Variants in ATP6V1C2 observed in about 807,000 individuals in gnomAD.
The protein encoded by ATP6V1C2 is ATPase H+ transporting V1 subunit C2, also known as V-type proton ATPase subunit C 2.
A neutral mutation model predicts 56.8 loss-of-function variants in ATP6V1C2; 45 were observed. That is an observed-to-expected ratio of 0.79 (90% CI 0.62 to 1.02). The LOEUF is 1.02. ATP6V1C2 is among the 50% of genes least tolerant of loss of function. The pLI, the probability that ATP6V1C2 is intolerant of heterozygous loss-of-function variation, is 0.00. For missense variants in ATP6V1C2, 463 were observed against 519.7 expected, an observed-to-expected ratio of 0.89 and a Z score of 1.06; for synonymous variants, 220 against 201.3, an observed-to-expected ratio of 1.09 and a Z score of -0.79.
chr2:10,760,515 G>A (rs1454373033), intron 4 of ATP6V1C2, among the ~76,000 whole-genome samples: 1 of 152,230 alleles, frequency 6.6e-6, no homozygotes, highest in East Asian at 1.9e-4. Context: ...TGGTGTTCAG[G>A]ACATGTGAGA....
intron 3 of ATP6V1C2, among the ~76,000 whole-genome samples, chr2:10,733,812 A>AGTGCTTCCCCTGTCGTTGCTTGCCCCTG (rs1662100953): frequency 1.4e-5 from 2 of 146,990 alleles, no homozygotes; most frequent in African/African-American, 5.1e-5. Context: ...GCTTGCCCCT[A>AGTGCTTCCCCTGTCGTTGCTTGCCCCTG]AGTGCTTCCC....
intron 8 of ATP6V1C2, among the ~76,000 whole-genome samples, chr2:10,774,585 C>T (rs1422863338): frequency 1.3e-5 from 2 of 152,210 alleles, no homozygotes; most frequent in Non-Finnish European, 2.9e-5. Context: ...CCCCTGAGGC[C>T]TTAGCCTGGA....
rs996681852 is a variant in ATP6V1C2, at chr2:10,768,634, C to A, written c.379-85C>A. 13 of 1,067,688 alleles carry A rather than the reference C, an allele frequency of 1.2e-5. No individual in the cohort carries two copies. The Admixed American group carries it at 1.8e-4, about 15-fold the overall frequency. The allele number at this position is 1,067,688 out of a possible 1,614,324, so 66.1% of individuals were successfully genotyped here. On this transcript the variant is annotated intron_variant, in intron 5 of 13. Transcript: ENST00000272238. ...GGGCAGTTATTTTTCTTGAAAGCAC[C>A]ATGAGCTGTTGTGGCCATTTCAAAA... is the stretch of plus-strand genomic sequence containing the variant.
intron 13 of ATP6V1C2, among the ~76,000 whole-genome samples, chr2:10,782,660 G>T (rs1665442489): frequency 6.6e-6 from 1 of 151,850 alleles, no homozygotes; most frequent in Non-Finnish European, 1.5e-5. Context: ...GTGAAACCCT[G>T]TCTCTACTAA....
chr2:10,730,889 GT>G (rs1661913350), intron 3 of ATP6V1C2, among the ~76,000 whole-genome samples: 1 of 152,026 alleles, frequency 6.6e-6, no homozygotes, highest in African/African-American at 2.4e-5. Flanking sequence ...CCGATCTCAG[GT>G]GATCCACCCA....
At chr2:10,722,114 A>ATC (rs1661401770) in intron 1 of ATP6V1C2, among the ~76,000 whole-genome samples, 1 of 152,078 alleles carries the variant, frequency 6.6e-6, no homozygotes, top group African/African-American at 2.4e-5. Flanking sequence ...GAAAGGGGGA[A>ATC]CCTGGCCGAG....
chr2:10,768,192 C>T (rs1196470594), intron 5 of ATP6V1C2: 1 of 154,980 alleles, frequency 6.5e-6, no homozygotes, highest in East Asian at 1.9e-4. Context: ...CTGGCATTAT[C>T]CCCGCTGTGG....
intron 3 of ATP6V1C2, among the ~76,000 whole-genome samples, chr2:10,752,434 G>A (rs1300444904): frequency 1.3e-5 from 2 of 152,146 alleles, no homozygotes; most frequent in African/African-American, 2.4e-5. Flanking sequence ...ACTTGAGTCC[G>A]CTCCTCCTGC....
At chr2:10,738,261 G>T (rs767791229) in intron 3 of ATP6V1C2, among the ~76,000 whole-genome samples, 48 of 152,310 alleles carry the variant, frequency 3.2e-4, no homozygotes, top group African/African-American at 1.1e-3. Flanking sequence ...ACAGGTGGCA[G>T]TAGCTCTCCT....
At chr2:10,721,421 C>T (rs751267877), upstream of ATP6V1C2, among the ~76,000 whole-genome samples, 8 of 152,106 alleles carry the variant, frequency 5.3e-5, no homozygotes, top group South Asian at 2.1e-4. Flanking sequence ...GCCGCAGAAG[C>T]CCCCAGGGCC....
Position 10,784,890 on chromosome 2 carries a change from A to T in ATP6V1C2, c.*1627A>T. 1 of 1,367,804 alleles carries T rather than the reference A, an allele frequency of 7.3e-7. No individual in the cohort carries two copies. Among genetic ancestry groups the T allele is most frequent in the Non-Finnish European group, 1.0e-6 (1 of 977,846 alleles). The allele number at this position is 1,367,804 out of a possible 1,614,324, so 84.7% of individuals were successfully genotyped here. Reference sequence around the variant, plus strand: ...CAGAGATGCACAGGCTCAAGAGAGTAAACCAGGACTGCTGCCCGCACAGCT... The same window carrying T: ...CAGAGATGCACAGGCTCAAGAGAGTTAACCAGGACTGCTGCCCGCACAGCT... On this transcript the variant is annotated 3_prime_UTR_variant, in exon 14 of 14. Transcript: ENST00000272238.
chr2:10,739,254 G>C lies in ATP6V1C2; in HGVS notation c.197+12685G>C, dbSNP rs555522528. 3.9e-5 allele frequency among the ~76,000 whole-genome samples: 6 copies of C among 152,230 alleles called. No homozygotes were observed. In the South Asian group the frequency reaches 1.2e-3, roughly 32 times the overall value. On this transcript the variant is annotated intron_variant, in intron 3 of 13. Coordinates refer to ENST00000272238, the MANE Select transcript of ATP6V1C2 (RefSeq NM_001039362.2). ...GCCGAGATCTCGCCATGGCACTCCA[G>C]CCTGGGCAATAAGAGCAAAACTCCG...
chr2:10,725,710 G>T (rs1192157195), intron 2 of ATP6V1C2, among the ~76,000 whole-genome samples: 1 of 150,982 alleles, frequency 6.6e-6, no homozygotes, highest in African/African-American at 2.4e-5. Context: ...GGCCAGGCTG[G>T]TCTCAAACTC....
intron 2 of ATP6V1C2, among the ~76,000 whole-genome samples, chr2:10,725,599 A>C (rs1345960427): frequency 7.0e-6 from 1 of 143,026 alleles, no homozygotes; most frequent in Non-Finnish European, 1.5e-5. Flanking sequence ...GGTTCAAATG[A>C]TTTTCCTGCC....
At chr2:10,722,139 G>C (rs942890143) in intron 1 of ATP6V1C2, among the ~76,000 whole-genome samples, 1 of 152,142 alleles carries the variant, frequency 6.6e-6, no homozygotes, top group Non-Finnish European at 1.5e-5. Context: ...AAAGGTGCGG[G>C]TGTGGACACC....
Position 10,783,437 on chromosome 2 carries a change from C to T in ATP6V1C2, c.*174C>T, listed in dbSNP as rs559009388. ...TTTTTAAGTTACAATAAAATGCTCT[C>T]AAGTCCTTTGAATGTTCCAACAAAT... On this transcript the variant is annotated 3_prime_UTR_variant, in exon 14 of 14. Transcript: ENST00000272238. The T allele has an allele frequency of 1.2e-5, 6 of 500,792 alleles. No individual in the cohort carries two copies. The highest frequency in any genetic ancestry group is 2.1e-5 in the Non-Finnish European group (6 of 282,810). 31.0% of individuals were successfully genotyped at this position (500,792 alleles called of 1,614,324 possible). A position where few individuals can be genotyped will look rare whatever the true frequency, so the allele number is the denominator to read the frequency against.
In ATP6V1C2 at chr2:10,764,341, A is replaced by C; in HGVS notation, c.294A>C (p.Thr98=). ...TTTGTATTCTTCCAGTTGACTTAACATCCTTTGTGACCCACTTTGAATGGG... is the reference window on the plus strand; with the variant it reads ...TTTGTATTCTTCCAGTTGACTTAACCTCCTTTGTGACCCACTTTGAATGGG... ...EHLLANGVDL[T]SFVTHFEWDM... is the part of the protein sequence containing the mutation. The change falls in exon 5 of 14, where the codon ACA becomes ACC. Residue 98 remains threonine, a synonymous_variant. Coordinates refer to ENST00000272238, the MANE Select transcript of ATP6V1C2 (RefSeq NM_001039362.2). 6.2e-7 allele frequency: 1 copy of C among 1,613,574 alleles called. No individual in the cohort carries two copies. Among genetic ancestry groups the C allele is most frequent in the South Asian group, 1.1e-5 (1 of 91,080 alleles).
At chr2:10,734,556 T>C (rs2148421357) in intron 3 of ATP6V1C2, among the ~76,000 whole-genome samples, 1 of 152,282 alleles carries the variant, frequency 6.6e-6, no homozygotes, top group East Asian at 1.9e-4. Context: ...TTAGAGATCT[T>C]ATCTAACCTG....
rs756619117 is a variant in ATP6V1C2, at chr2:10,783,240, A to C, written c.1261A>C (p.Ile421Leu). 1.4e-5 allele frequency: 22 copies of C among 1,613,392 alleles called. No homozygotes were observed. The highest frequency in any genetic ancestry group is 1.0e-4 in the Admixed American group (6 of 59,992). Residue 421 changes from isoleucine (I) to leucine (L), a missense_variant, in exon 14 of 14, where the codon ATT becomes CTT. Coordinates refer to ENST00000272238, the MANE Select transcript of ATP6V1C2 (RefSeq NM_001039362.2). Reference sequence around the variant, plus strand: ...CTATTTTCCTTATGTCTACTTCCATATTGACCTTAGTCTTCTTGACTAGAA... The same window carrying C: ...CTATTTTCCTTATGTCTACTTCCATCTTGACCTTAGTCTTCTTGACTAGAA... ...QDYFPYVYFHIDLSLLD is the reference protein window; with the variant it reads ...QDYFPYVYFHLDLSLLD
Sources: allele counts gnomAD v4.1 joint callset (sites outside exome capture counted in the v4.1 genomes callset), GRCh38; gene constraint gnomAD v4.1.1; transcripts MANE v1.5; gene names NCBI Gene and HGNC (gene_info 2026-07-23, HGNC 2026-07-21).